Variants in PCDHGA1 observed in about 807,000 individuals in gnomAD.
The protein encoded by PCDHGA1 is protocadherin gamma-A1.
A neutral mutation model predicts 58.0 loss-of-function variants in PCDHGA1; 32 were observed. The observed-to-expected ratio is 0.55, with a 90% CI of 0.42 to 0.74. PCDHGA1 has a LOEUF of 0.74. Among genes scored for constraint, PCDHGA1 ranks in the 30% least tolerant of loss-of-function variants. The pLI is 0.00. For synonymous variants in PCDHGA1, 498 were observed against 501.1 expected (o/e 0.99, Z 0.08); for missense variants, 1,205 against 1,182.3 (o/e 1.02, Z -0.28).
At chr5:141,478,231 T>C (rs1423148) in intron 1 of PCDHGA1, 739,438 of 1,613,786 alleles carry the variant, frequency 0.46, 177,434 homozygotes, top group African/African-American at 0.83. Flanking sequence ...CTGTGGGGTT[T>C]GTGGTCACAG....
intron 1 of PCDHGA1, among the ~76,000 whole-genome samples, chr5:141,457,477 C>A (rs964080100): frequency 2.0e-5 from 3 of 152,134 alleles, no homozygotes; most frequent in African/African-American, 7.2e-5. Context: ...TAAGCAGGGC[C>A]AGGGTTAGTC....
intron 1 of PCDHGA1, among the ~76,000 whole-genome samples, chr5:141,450,335 T>A (rs1054670037): frequency 1.3e-5 from 2 of 152,158 alleles, no homozygotes; most frequent in African/African-American, 4.8e-5. Context: ...CTCTTTAATC[T>A]ACTTTAATCT....
intron 1 of PCDHGA1, chr5:141,374,475 C>A: frequency 6.2e-7 from 1 of 1,612,136 alleles, no homozygotes; most frequent in Non-Finnish European, 8.5e-7. Flanking sequence ...GACAATACAC[C>A]CCGATTCTTA....
intron 1 of PCDHGA1, chr5:141,372,343 G>A: frequency 6.2e-7 from 1 of 1,613,790 alleles, no homozygotes; most frequent in Non-Finnish European, 8.5e-7. Context: ...CGTGATGGAG[G>A]ACAGCAGCCT....
At chr5:141,461,170 G>T (rs1347666737) in intron 1 of PCDHGA1, among the ~76,000 whole-genome samples, 1 of 152,052 alleles carries the variant, frequency 6.6e-6, no homozygotes. Context: ...GGGATTGCTG[G>T]ATTGAATGGT....
chr5:141,426,590 C>T (rs2096945493), intron 1 of PCDHGA1: 1 of 369,282 alleles, frequency 2.7e-6, no homozygotes, highest in East Asian at 7.4e-5. Context: ...TCCTCTGTGT[C>T]ATACCCTTAG....
At chr5:141,400,385 C>G (rs903146096) in intron 1 of PCDHGA1, 1 of 1,614,074 alleles carries the variant, frequency 6.2e-7, no homozygotes, top group Admixed American at 1.7e-5. Flanking sequence ...CTATGTGTTG[C>G]ACATACAGGA....
intron 1 of PCDHGA1, among the ~76,000 whole-genome samples, chr5:141,451,826 A>G (rs2098725686): frequency 6.6e-6 from 1 of 151,720 alleles, no homozygotes; most frequent in Non-Finnish European, 1.5e-5. Context: ...GGTTACAGTG[A>G]GCCGAGATCA....
chr5:141,357,205 C>T (rs1292971375), intron 1 of PCDHGA1: 1 of 1,613,850 alleles, frequency 6.2e-7, no homozygotes, highest in Non-Finnish European at 8.5e-7. Context: ...CGACAGCATC[C>T]CAGATGTCCT....
intron 1 of PCDHGA1, among the ~76,000 whole-genome samples, chr5:141,353,919 G>A (rs1759417280): frequency 6.6e-6 from 1 of 152,196 alleles, no homozygotes; most frequent in Non-Finnish European, 1.5e-5. Flanking sequence ...CCTTTTGTAT[G>A]AGTCATTTCT....
At chr5:141,376,381 T>A in intron 1 of PCDHGA1, 2 of 1,613,972 alleles carry the variant, frequency 1.2e-6, no homozygotes, top group Non-Finnish European at 1.7e-6. Flanking sequence ...CGCGTAAGAG[T>A]CATCTGATTT....
At chr5:141,410,438 G>T (rs957017717) in intron 1 of PCDHGA1, 1 of 1,613,894 alleles carries the variant, frequency 6.2e-7, no homozygotes, top group African/African-American at 1.3e-5. Flanking sequence ...CTACAGTGAG[G>T]GGACTTTGCC....
chr5:141,423,050 G>C, intron 1 of PCDHGA1: 1 of 1,614,186 alleles, frequency 6.2e-7, no homozygotes, highest in Non-Finnish European at 8.5e-7. Flanking sequence ...CTGTCCTATC[G>C]CCTGCTTAAG....
At chr5:141,394,028 G>A (rs758413971) in intron 1 of PCDHGA1, 1 of 1,613,454 alleles carries the variant, frequency 6.2e-7, no homozygotes, top group Admixed American at 1.7e-5. Flanking sequence ...ATAGATTAGT[G>A]ACAAGGAAAT....
rs537334679 is a variant in PCDHGA1 at position 141,413,479 on chromosome 5, C to G, written c.2421+80374C>G. ...GATAGACCGGGAGGAGCTCTGCGCTCAGAGCGCGCGGTGCGTGGTGAGTTT... is the reference window on the plus strand; with the variant it reads ...GATAGACCGGGAGGAGCTCTGCGCTGAGAGCGCGCGGTGCGTGGTGAGTTT... On this transcript the variant is annotated intron_variant, in intron 1 of 3. Coordinates refer to ENST00000517417, the MANE Select transcript of PCDHGA1 (RefSeq NM_018912.3). 4.3e-6 allele frequency: 7 copies of G among 1,614,084 alleles called. No individual in the cohort carries two copies. In the African/African-American group the frequency reaches 6.7e-5, roughly 15 times the overall value.
Position 141,383,159 on chromosome 5 carries a change from CG to C in PCDHGA1, c.2421+50057del, listed in dbSNP as rs546342817. ...CAGCGCAGCGGCAGCTTGGTCACTG[CG>C]GGCAGGATAGACCGGGAAGAGATCT... On this transcript the variant is annotated intron_variant, in intron 1 of 3. Transcript: ENST00000517417. 2.4e-4 allele frequency: 391 copies of C among 1,614,104 alleles called. 5 individuals are homozygous for C. In the South Asian group the frequency reaches 3.9e-3, roughly 16 times the overall value.
intron 1 of PCDHGA1, chr5:141,404,230 C>T: frequency 6.2e-7 from 1 of 1,613,836 alleles, no homozygotes; most frequent in Non-Finnish European, 8.5e-7. Context: ...CTGCAACAGA[C>T]AGAGGAACTC....
At chr5:141,456,968 AAAAC>A (rs202005606) in intron 1 of PCDHGA1, among the ~76,000 whole-genome samples, 2,421 of 152,270 alleles carry the variant, frequency 0.016, 37 homozygotes, top group Non-Finnish European at 0.025. Context: ...ATCTCAAAAC[AAAAC>A]AAACAAACAA....
chr5:141,422,432 A>G, intron 1 of PCDHGA1: 1 of 1,609,448 alleles, frequency 6.2e-7, no homozygotes, highest in Non-Finnish European at 8.5e-7. Context: ...TATGGAAATT[A>G]TTACAAATTG....
Sources: gnomAD v4.1 joint callset for allele counts (sites outside exome capture counted in the v4.1 genomes callset) on GRCh38, gnomAD v4.1.1 for gene constraint, MANE v1.5 for transcripts, NCBI Gene and HGNC (gene_info 2026-07-23, HGNC 2026-07-21) for gene names.